The following KIAA1217 variants were observed in gnomAD, a reference collection of about 807,000 sequenced individuals.
The protein encoded by KIAA1217 is KIAA1217, also known as sickle tail protein homolog.
Under a neutral mutation model 163.9 loss-of-function variants are expected in KIAA1217, and 88 were observed. That is an observed-to-expected ratio of 0.54 (90% CI 0.45 to 0.64). The LOEUF (loss-of-function observed/expected upper bound fraction) is 0.64, where lower values mean the gene tolerates loss of function less well. KIAA1217 is among the 30% of genes least tolerant of loss of function. The pLI, the probability that KIAA1217 is intolerant of heterozygous loss-of-function variation, is 0.00. For missense variants in KIAA1217, 2,372 were observed against 2,475.0 expected, an observed-to-expected ratio of 0.96 and a Z score of 0.88; for synonymous variants, 903 against 923.1, an observed-to-expected ratio of 0.98 and a Z score of 0.39.
chr10:23,972,417 G>A (rs1242875398), intron 1 of KIAA1217, among the ~76,000 whole-genome samples: 1 of 151,804 alleles, frequency 6.6e-6, no homozygotes, highest in African/African-American at 2.4e-5. Context: ...ACACACCACA[G>A]AATACTATGC....
At chr10:24,460,195 C>T (rs2062240958) in intron 5 of KIAA1217, among the ~76,000 whole-genome samples, 1 of 152,154 alleles carries the variant, frequency 6.6e-6, no homozygotes, top group Non-Finnish European at 1.5e-5. Context: ...AACCTGGAAC[C>T]TCTTACATTT....
At chr10:23,762,376 G>A (rs1051523536) in intron 1 of KIAA1217, among the ~76,000 whole-genome samples, 15 of 150,000 alleles carry the variant, frequency 1.0e-4, no homozygotes, top group African/African-American at 3.6e-4. Context: ...CCTCATTAAC[G>A]GGCAAACCAA....
Position 23,752,737 on chromosome 10 carries a change from G to T in KIAA1217, c.-321+57503G>T, listed in dbSNP as rs77004272. On this transcript the variant is annotated intron_variant, in intron 1 of 18. Coordinates refer to the KIAA1217 transcript ENST00000376462. Reference sequence around the variant, plus strand: ...TGTTACTAATGAATGTAAGCATAAAGGAATGATATTTTTATTAAATCCTAG... The same window carrying T: ...TGTTACTAATGAATGTAAGCATAAATGAATGATATTTTTATTAAATCCTAG... Among the ~76,000 whole-genome samples, 190 of 152,236 alleles carry T rather than the reference G, an allele frequency of 1.2e-3. 2 individuals are homozygous for T. The highest frequency in any genetic ancestry group is 5.6e-3 in the Admixed American group (85 of 15,290).
intron 1 of KIAA1217, among the ~76,000 whole-genome samples, chr10:23,845,554 C>T (rs1233701412): frequency 6.6e-6 from 1 of 152,090 alleles, no homozygotes; most frequent in Admixed American, 6.5e-5. Flanking sequence ...TGTGTCTGTT[C>T]ATATCCTTTG....
chr10:23,759,530 T>C (rs1175566897), intron 1 of KIAA1217, among the ~76,000 whole-genome samples: 2 of 152,200 alleles, frequency 1.3e-5, no homozygotes, highest in African/African-American at 4.8e-5. Flanking sequence ...TTGAGTATGA[T>C]GATTACTGCA....
At chr10:23,969,406 C>T (rs564266508) in intron 1 of KIAA1217, among the ~76,000 whole-genome samples, 4 of 152,174 alleles carry the variant, frequency 2.6e-5, no homozygotes, top group Non-Finnish European at 5.9e-5. Context: ...TCTTACAGTC[C>T]CATCACAATG....
intron 2 of KIAA1217, among the ~76,000 whole-genome samples, chr10:24,261,363 G>A (rs781709593): frequency 8.5e-5 from 13 of 152,128 alleles, no homozygotes; most frequent in African/African-American, 2.4e-4. Context: ...TGGACCTAGT[G>A]GTGGGCGTCT....
At chr10:24,424,815 A>G (rs2059048479) in intron 3 of KIAA1217, among the ~76,000 whole-genome samples, 1 of 152,048 alleles carries the variant, frequency 6.6e-6, no homozygotes, top group Non-Finnish European at 1.5e-5. Flanking sequence ...GTTGCCCAGG[A>G]TGATCTCGAT....
chr10:23,952,552 C>G (rs905228785), intron 1 of KIAA1217, among the ~76,000 whole-genome samples: 5 of 152,056 alleles, frequency 3.3e-5, no homozygotes, highest in African/African-American at 1.2e-4. Flanking sequence ...TTGACAAGAC[C>G]CTTCAGTACT....
At chr10:24,330,137 T>C (rs2045470909) in intron 2 of KIAA1217, among the ~76,000 whole-genome samples, 1 of 151,722 alleles carries the variant, frequency 6.6e-6, no homozygotes, top group African/African-American at 2.4e-5. Flanking sequence ...CTGTTTCTAC[T>C]AAAAATACAA....
chr10:24,225,271 C>G (rs577840778), intron 2 of KIAA1217, among the ~76,000 whole-genome samples: 1 of 152,118 alleles, frequency 6.6e-6, no homozygotes, highest in Non-Finnish European at 1.5e-5. Context: ...TACAGGCACA[C>G]GTCACCACTT....
At chr10:23,846,090 T>C (rs1418634388) in intron 1 of KIAA1217, among the ~76,000 whole-genome samples, 1 of 152,214 alleles carries the variant, frequency 6.6e-6, no homozygotes, top group African/African-American at 2.4e-5. Context: ...CATTGGTCTA[T>C]ATAACTGTTT....
intron 2 of KIAA1217, chr10:24,158,270 T>C (rs1412900539): frequency 1.4e-6 from 1 of 717,820 alleles, no homozygotes; most frequent in East Asian, 2.6e-5. Flanking sequence ...TCATGAAAGA[T>C]GACATTTTCT....
intron 3 of KIAA1217, among the ~76,000 whole-genome samples, chr10:24,383,323 T>C (rs540647776): frequency 6.6e-6 from 1 of 152,232 alleles, no homozygotes; most frequent in South Asian, 2.1e-4. Flanking sequence ...TGGGGGAACT[T>C]TGACTCTGTC....
chr10:24,333,018 T>TTG (rs2045888334), intron 2 of KIAA1217, among the ~76,000 whole-genome samples: 1 of 151,928 alleles, frequency 6.6e-6, no homozygotes, highest in African/African-American at 2.4e-5. Flanking sequence ...ATGTACTGTT[T>TTG]TGTGTGTGTG....
intron 1 of KIAA1217, among the ~76,000 whole-genome samples, chr10:23,983,064 A>G: frequency 6.6e-6 from 1 of 151,906 alleles, no homozygotes; most frequent in East Asian, 1.9e-4. Flanking sequence ...GAACCAGGGC[A>G]TGTTCTATGC....
chr10:24,519,343 G>A (rs1439863696), intron 10 of KIAA1217, among the ~76,000 whole-genome samples: 2 of 152,126 alleles, frequency 1.3e-5, no homozygotes, highest in African/African-American at 2.4e-5. Context: ...CCGTCTCTTG[G>A]AGCTAGCATT....
intron 3 of KIAA1217, among the ~76,000 whole-genome samples, chr10:24,386,451 A>T (rs997409881): frequency 2.6e-5 from 4 of 152,234 alleles, no homozygotes; most frequent in Non-Finnish European, 5.9e-5. Context: ...AAAGGAATTG[A>T]TGAATTGTCT....
chr10:23,877,791 A>G (rs1840763404), intron 1 of KIAA1217, among the ~76,000 whole-genome samples: 2 of 151,996 alleles, frequency 1.3e-5, no homozygotes, highest in South Asian at 4.1e-4. Context: ...GTTGGCTAGC[A>G]TCTGTTTTGT....
Sources: allele counts gnomAD v4.1 joint callset (sites outside exome capture counted in the v4.1 genomes callset), GRCh38; gene constraint gnomAD v4.1.1; transcripts MANE v1.5; gene names NCBI Gene and HGNC (gene_info 2026-07-23, HGNC 2026-07-21).